ASPRV1: variants seen among roughly 807,000 people sequenced by gnomAD.
ASPRV1 encodes retroviral-like aspartic protease 1.
A neutral mutation model predicts 11.0 loss-of-function variants in ASPRV1; 7 were observed. That is an observed-to-expected ratio of 0.64 (90% CI 0.36 to 1.20). The LOEUF (loss-of-function observed/expected upper bound fraction) is 1.20, where lower values mean the gene tolerates loss of function less well. ASPRV1 is among the 50% of genes most tolerant of loss of function. ASPRV1 has a pLI of 0.02. For missense variants in ASPRV1, 299 were observed against 320.0 expected, an observed-to-expected ratio of 0.93 and a Z score of 0.50; for synonymous variants, 136 against 138.4, an observed-to-expected ratio of 0.98 and a Z score of 0.12.
At chr2:70,080,496 G>A in the ASPRV1 span, among the ~76,000 whole-genome samples, 1 of 152,136 alleles carries the variant, frequency 6.6e-6, no homozygotes, top group African/African-American at 2.4e-5. Flanking sequence ...CAAAGTGCTG[G>A]GATTACAGGC....
the ASPRV1 span, chr2:70,014,624 AATCTC>A: frequency 6.6e-6 from 1 of 151,944 alleles, no homozygotes; most frequent in Non-Finnish European, 1.5e-5. Flanking sequence ...AATATGGTGA[AATCTC>A]ATCTCTACAA....
At chr2:69,990,067 C>T in the ASPRV1 span, among the ~76,000 whole-genome samples, 1 of 152,234 alleles carries the variant, frequency 6.6e-6, no homozygotes, top group South Asian at 2.1e-4. Context: ...TTAATGAAGG[C>T]ACTGAGGCAC....
At chr2:69,980,779 T>TATTC in the ASPRV1 span, among the ~76,000 whole-genome samples, 2 of 152,224 alleles carry the variant, frequency 1.3e-5, no homozygotes, top group South Asian at 4.1e-4. Context: ...ATTTTTTATT[T>TATTC]ACTTATTTAT....
At chr2:70,074,157 A>C in the ASPRV1 span, among the ~76,000 whole-genome samples, 2 of 150,534 alleles carry the variant, frequency 1.3e-5, no homozygotes, top group South Asian at 2.1e-4. Context: ...AAAAAAAAAA[A>C]AAACAGAAAT....
chr2:70,035,824 G>A, the ASPRV1 span, among the ~76,000 whole-genome samples: 4 of 151,254 alleles, frequency 2.6e-5, no homozygotes, highest in African/African-American at 9.7e-5. Flanking sequence ...CACAAGTGGA[G>A]GTACCATGGA....
chr2:70,008,501 T>C, the ASPRV1 span, among the ~76,000 whole-genome samples: 1 of 125,732 alleles, frequency 8.0e-6, no homozygotes, highest in African/African-American at 3.9e-5. Context: ...TTGGATCAGG[T>C]TGCCTGTGTC....
At chr2:69,982,136 G>T in the ASPRV1 span, among the ~76,000 whole-genome samples, 4 of 151,914 alleles carry the variant, frequency 2.6e-5, no homozygotes, top group Admixed American at 6.6e-5. Flanking sequence ...TTACAACAAG[G>T]ATCTACTCTT....
the ASPRV1 span, chr2:69,937,160 A>C: frequency 6.3e-7 from 1 of 1,578,420 alleles, no homozygotes; most frequent in Admixed American, 1.7e-5. Context: ...CCACTGCTAG[A>C]AGGGAAGATG....
the ASPRV1 span, among the ~76,000 whole-genome samples, chr2:69,972,192 G>A: frequency 1.1e-4 from 16 of 150,906 alleles, no homozygotes; most frequent in Middle Eastern, 6.8e-3. Flanking sequence ...CTCCCCAGTC[G>A]CTGAGATTAT....
the ASPRV1 span, among the ~76,000 whole-genome samples, chr2:70,035,488 C>T: frequency 6.6e-6 from 1 of 151,766 alleles, no homozygotes; most frequent in East Asian, 1.9e-4. Flanking sequence ...AAAAAGATTC[C>T]ACTAGTTCTT....
chr2:70,057,403 C>A, the ASPRV1 span, among the ~76,000 whole-genome samples: 1 of 152,092 alleles, frequency 6.6e-6, no homozygotes, highest in Non-Finnish European at 1.5e-5. Flanking sequence ...AATGACAGAT[C>A]TTGGAGATTG....
the ASPRV1 span, among the ~76,000 whole-genome samples, chr2:69,997,721 T>C: frequency 6.6e-6 from 1 of 152,188 alleles, no homozygotes; most frequent in African/African-American, 2.4e-5. Context: ...AGCAACAGAA[T>C]GACCTGGGGA....
the ASPRV1 span, among the ~76,000 whole-genome samples, chr2:69,987,075 C>A: frequency 6.0e-4 from 92 of 152,184 alleles, no homozygotes; most frequent in African/African-American, 2.2e-3. Context: ...AGTAGGAATG[C>A]TGCTCCCGGA....
At chr2:70,046,468 A>T in the ASPRV1 span, 1 of 152,232 alleles carries the variant, frequency 6.6e-6, no homozygotes, top group African/African-American at 2.4e-5. Flanking sequence ...ACAGAAGCAG[A>T]TTATTAAGGC....
chr2:70,000,170 A>C, the ASPRV1 span, among the ~76,000 whole-genome samples: 8 of 152,232 alleles, frequency 5.3e-5, no homozygotes, highest in African/African-American at 1.9e-4. Flanking sequence ...GACAAGTGAT[A>C]ATCTAGGATA....
the ASPRV1 span, among the ~76,000 whole-genome samples, chr2:70,085,231 C>T: frequency 7.9e-5 from 12 of 152,278 alleles, no homozygotes; most frequent in South Asian, 2.5e-3. Context: ...CATTTGCTCC[C>T]CCAGAGGCAG....
At chr2:70,042,733 G>A in the ASPRV1 span, among the ~76,000 whole-genome samples, 1 of 152,134 alleles carries the variant, frequency 6.6e-6, no homozygotes, top group African/African-American at 2.4e-5. Flanking sequence ...AACGGTGTAG[G>A]ATGTTCAGAA....
At chr2:70,046,739 C>G in the ASPRV1 span, 1 of 151,994 alleles carries the variant, frequency 6.6e-6, no homozygotes, top group African/African-American at 2.4e-5. Context: ...AAGGTGAAGT[C>G]TAGGGTGAGG....
the ASPRV1 span, chr2:70,087,293 T>C: frequency 6.6e-6 from 1 of 151,764 alleles, no homozygotes; most frequent in Non-Finnish European, 1.5e-5. Context: ...CTTCCGCCCA[T>C]CGTGCGCTTC....
Sources: allele counts gnomAD v4.1 joint callset (sites outside exome capture counted in the v4.1 genomes callset), GRCh38; gene constraint gnomAD v4.1.1; transcripts MANE v1.5; gene names NCBI Gene and HGNC (gene_info 2026-07-23, HGNC 2026-07-21).